ATXN8OS: variants seen among roughly 807,000 people sequenced by gnomAD.
ATXN8OS encodes ATXN8 opposite strand (non-protein coding).
chr13:70,137,905 A>G (rs952520042), intron 3 of ATXN8OS, among the ~76,000 whole-genome samples: 2 of 152,230 alleles, frequency 1.3e-5, no homozygotes, highest in Non-Finnish European at 2.9e-5. Flanking sequence ...AAGCCTCAGG[A>G]AACTTACAAA....
At chr13:70,164,601 A>G (rs1288681091) in intron 4 of ATXN8OS, among the ~76,000 whole-genome samples, 1 of 152,072 alleles carries the variant, frequency 6.6e-6, no homozygotes, top group Non-Finnish European at 1.5e-5. Context: ...TGAAGGATAA[A>G]ATGTTACAAA....
At position 70,167,723 on chromosome 13, in the gene ATXN8OS, C is replaced by CTTTTTTTTTTTTTTTTTTTTTTTTT. The variant is rs4053603; in HGVS notation, n.574-2028_574-2004dup. On this transcript the variant is annotated intron_variant and non_coding_transcript_variant, in intron 4 of 4. Coordinates refer to ENST00000678624, the Ensembl canonical transcript of ATXN8OS. ...AATACTATCACAACATATGTAACTT[C>CTTTTTTTTTTTTTTTTTTTTTTTTT]TTTTTTTTTTTTTTTTTTTTTTTTT... Among the ~76,000 whole-genome samples, 6 of 61,896 alleles carry CTTTTTTTTTTTTTTTTTTTTTTTTT rather than the reference C, an allele frequency of 9.7e-5. 1 individual carries two copies. Among genetic ancestry groups the CTTTTTTTTTTTTTTTTTTTTTTTTT allele is most frequent in the African/African-American group, 2.8e-4 (5 of 17,844 alleles). The allele number at this position is 61,896 out of a possible 152,430, so 40.6% of individuals were successfully genotyped here.
At chr13:70,164,249 T>C (rs1361258995) in intron 4 of ATXN8OS, among the ~76,000 whole-genome samples, 1 of 151,522 alleles carries the variant, frequency 6.6e-6, no homozygotes, top group Non-Finnish European at 1.5e-5. Context: ...TTGAAAGATA[T>C]TAAAAATGAT....
At chr13:70,151,089 A>G (rs570141991) in intron 4 of ATXN8OS, among the ~76,000 whole-genome samples, 1 of 152,170 alleles carries the variant, frequency 6.6e-6, no homozygotes, top group African/African-American at 2.4e-5. Context: ...GGTAATAAAA[A>G]TATCTATCAT....
chr13:70,109,614 A>G (rs1391491273), intron 1 of ATXN8OS, among the ~76,000 whole-genome samples: 1 of 152,208 alleles, frequency 6.6e-6, no homozygotes, highest in Non-Finnish European at 1.5e-5. Context: ...TAGTGCTTTT[A>G]AAATATTGAT....
intron 4 of ATXN8OS, among the ~76,000 whole-genome samples, chr13:70,166,247 G>A (rs1293483897): frequency 8.6e-5 from 13 of 151,964 alleles, no homozygotes; most frequent in Non-Finnish European, 1.8e-4. Context: ...GAGGCATCAC[G>A]CTACCTGACT....
At chr13:70,150,185 G>A (rs1888843315) in intron 4 of ATXN8OS, among the ~76,000 whole-genome samples, 1 of 152,044 alleles carries the variant, frequency 6.6e-6, no homozygotes, top group African/African-American at 2.4e-5. Context: ...CATATTCAAT[G>A]AAGTTACTCC....
intron 1 of ATXN8OS, chr13:70,108,632 C>G (rs767843193): frequency 6.6e-6 from 1 of 152,224 alleles, no homozygotes; most frequent in Non-Finnish European, 1.5e-5. Context: ...TTTTCACCCT[C>G]CTTCCTCGCT....
chr13:70,154,266 A>G lies in ATXN8OS; in HGVS notation n.573+6838A>G, dbSNP rs563249276. Among the ~76,000 whole-genome samples, 4 of 152,290 alleles carry G rather than the reference A, an allele frequency of 2.6e-5. No individual in the cohort carries two copies. The South Asian group carries it at 8.3e-4, about 32-fold the overall frequency. On this transcript the variant is annotated intron_variant and non_coding_transcript_variant, in intron 4 of 4. Coordinates refer to ENST00000678624, the Ensembl canonical transcript of ATXN8OS. Reference sequence around the variant, plus strand: ...TCACAAGTAGAATCTCTTTTCAGTAATTAAATAAACCTCCTTTGTTTGCTG... The same window carrying G: ...TCACAAGTAGAATCTCTTTTCAGTAGTTAAATAAACCTCCTTTGTTTGCTG...
chr13:70,107,674 A>C, upstream of ATXN8OS: 1 of 1,534,034 alleles, frequency 6.5e-7, no homozygotes, highest in Non-Finnish European at 8.7e-7. Context: ...CTTCACATCG[A>C]AGTCTTTTCG....
At chr13:70,166,222 A>C (rs1889073678) in intron 4 of ATXN8OS, among the ~76,000 whole-genome samples, 1 of 152,084 alleles carries the variant, frequency 6.6e-6, no homozygotes. Flanking sequence ...ATCCTAGGCC[A>C]AAAGAACAAA....
At chr13:70,121,743 T>C (rs943052768) in intron 2 of ATXN8OS, among the ~76,000 whole-genome samples, 1 of 152,132 alleles carries the variant, frequency 6.6e-6, no homozygotes, top group African/African-American at 2.4e-5. Context: ...TATCTTATGT[T>C]ATAAACTGTG....
rs1305458435 is a variant in ATXN8OS, at chr13:70,160,679, C to G, written n.574-9074C>G. Among the ~76,000 whole-genome samples, 4 of 14,238 alleles carry G rather than the reference C, an allele frequency of 2.8e-4. 2 individuals are homozygous for G. Among genetic ancestry groups the G allele is most frequent in the African/African-American group, 4.7e-4 (4 of 8,564 alleles). 9.3% of individuals were successfully genotyped at this position (14,238 alleles called of 152,430 possible). A position where few individuals can be genotyped will look rare whatever the true frequency, so the allele number is the denominator to read the frequency against. Reference sequence around the variant, plus strand: ...AAACAAAATATTCTTGGTAGAGATGCCCCAGACAGCTGATTTAACTGAATT... The same window carrying G: ...AAACAAAATATTCTTGGTAGAGATGGCCCAGACAGCTGATTTAACTGAATT... On this transcript the variant is annotated intron_variant and non_coding_transcript_variant, in intron 4 of 4. Transcript: ENST00000678624.
chr13:70,151,767 T>TATATATATACGCA (rs1464899650), intron 4 of ATXN8OS, among the ~76,000 whole-genome samples: 1 of 152,058 alleles, frequency 6.6e-6, no homozygotes, highest in Non-Finnish European at 1.5e-5. Flanking sequence ...TTATATATGT[T>TATATATATACGCA]TTAGAAGTCA....
intron 4 of ATXN8OS, among the ~76,000 whole-genome samples, chr13:70,168,207 A>C (rs2137509064): frequency 6.6e-6 from 1 of 152,218 alleles, no homozygotes; most frequent in East Asian, 1.9e-4. Context: ...ACCTTCTTTA[A>C]AAATAAATGG....
intron 2 of ATXN8OS, among the ~76,000 whole-genome samples, chr13:70,116,488 G>C (rs1298168368): frequency 6.6e-6 from 1 of 152,166 alleles, no homozygotes; most frequent in Admixed American, 6.6e-5. Flanking sequence ...ATAAAGTTTG[G>C]TGTATTTAAG....
At chr13:70,170,096 C>T (rs529095418) in exon 5 of ATXN8OS, among the ~76,000 whole-genome samples, 3 of 152,098 alleles carry the variant, frequency 2.0e-5, no homozygotes, top group Admixed American at 2.0e-4. Context: ...AGGTGTCCTG[C>T]CTTAGTTCCA....
At chr13:70,169,535 C>T (rs562474256) in intron 4 of ATXN8OS, among the ~76,000 whole-genome samples, 8 of 152,172 alleles carry the variant, frequency 5.3e-5, no homozygotes, top group African/African-American at 1.9e-4. Context: ...ACCTCGTGAT[C>T]CACCCGCTCG....
At chr13:70,143,036 G>A (rs1169206307) in intron 3 of ATXN8OS, among the ~76,000 whole-genome samples, 3 of 150,804 alleles carry the variant, frequency 2.0e-5, no homozygotes, top group Non-Finnish European at 4.4e-5. Flanking sequence ...TCGCGCCATT[G>A]CACTCCAGCA....
Sources: allele counts gnomAD v4.1 joint callset (sites outside exome capture counted in the v4.1 genomes callset), GRCh38; gene constraint gnomAD v4.1.1; transcripts MANE v1.5; gene names NCBI Gene and HGNC (gene_info 2026-07-23, HGNC 2026-07-21).